The following LRRC7 variants were observed in gnomAD, a reference collection of about 807,000 sequenced individuals.
The protein encoded by LRRC7 is leucine-rich repeat-containing protein 7.
Under a neutral mutation model 175.7 loss-of-function variants are expected in LRRC7, and 23 were observed. The observed-to-expected ratio is 0.13, with a 90% CI of 0.09 to 0.19. The LOEUF (loss-of-function observed/expected upper bound fraction) is 0.19. Ranked by LOEUF, LRRC7 falls within the 10% of genes least tolerant of loss-of-function variation. The pLI, the probability that LRRC7 is intolerant of heterozygous loss-of-function variation, is 1.00. For missense variants in LRRC7, 1,354 were observed against 1,904.7 expected (o/e 0.71, Z 5.38); for synonymous variants, 685 against 680.9 (o/e 1.01, Z -0.09).
At chr1:69,993,083 ACAAG>A (rs977028166) in intron 10 of LRRC7, among the ~76,000 whole-genome samples, 10 of 152,270 alleles carry the variant, frequency 6.6e-5, no homozygotes, top group African/African-American at 2.4e-4. Context: ...CAACTCAAAA[ACAAG>A]CTCAGGTGCT....
chr1:69,835,115 A>G (rs1185383609), intron 6 of LRRC7, among the ~76,000 whole-genome samples: 1 of 151,990 alleles, frequency 6.6e-6, no homozygotes, highest in Non-Finnish European at 1.5e-5. Context: ...AAAAAAAAAT[A>G]AAGCCAGAAA....
At chr1:70,107,646 C>A in intron 25 of LRRC7, 106 bp from the exon 26 acceptor site, 1 of 778,382 alleles carries the variant, frequency 1.3e-6, no homozygotes, top group Non-Finnish European at 2.2e-6. Flanking sequence ...CATGCATAAA[C>A]TGTTTCTGGA....
At chr1:69,684,406 TA>T (rs1203143355) in intron 2 of LRRC7, among the ~76,000 whole-genome samples, 1 of 150,864 alleles carries the variant, frequency 6.6e-6, no homozygotes, top group African/African-American at 2.4e-5. Context: ...AAGAAAGGCA[TA>T]AGGAAAGAAA....
chr1:69,735,387 T>A (rs1668001187), intron 2 of LRRC7, among the ~76,000 whole-genome samples: 1 of 152,136 alleles, frequency 6.6e-6, no homozygotes, highest in Admixed American at 6.6e-5. Context: ...AAAGGTCCCA[T>A]ATACTGGATT....
At chr1:69,973,381 A>C (rs540950219) in intron 8 of LRRC7, among the ~76,000 whole-genome samples, 11 of 152,230 alleles carry the variant, frequency 7.2e-5, no homozygotes, top group Admixed American at 1.3e-4. Context: ...ACAAATCACC[A>C]CTAAAGAACT....
intron 2 of LRRC7, among the ~76,000 whole-genome samples, chr1:69,710,418 C>A (rs1038374499): frequency 1.4e-4 from 21 of 152,072 alleles, no homozygotes; most frequent in Non-Finnish European, 2.8e-4. Flanking sequence ...CCAGCAGCAA[C>A]CAGCAAAGCA....
intron 3 of LRRC7, among the ~76,000 whole-genome samples, chr1:69,784,235 C>A (rs1289517544): frequency 6.6e-6 from 1 of 151,870 alleles, no homozygotes; most frequent in Admixed American, 6.6e-5. Flanking sequence ...AAAGCATAAA[C>A]AGAAGCGAGG....
At position 70,040,088 on chromosome 1, in the gene LRRC7, C is replaced by T. The variant is rs6679841; in HGVS notation, c.3969+295C>T. On this transcript the variant is annotated intron_variant, in intron 21 of 26. Transcript: ENST00000651989. The stretch of plus-strand genomic sequence containing the variant: ...GGATGGTGCTTCAAATGCTTTCTAG[C>T]CATTAAGGCAAAATGCCTCTCCTAG... Among the ~76,000 whole-genome samples the T allele has an allele frequency of 3.5e-3, 533 of 152,242 alleles. 6 individuals are homozygous for T. Among genetic ancestry groups the T allele is most frequent in the African/African-American group, 0.012 (515 of 41,530 alleles).
At position 69,986,256 on chromosome 1, in the gene LRRC7, A is replaced by G. The variant is rs1349744143; in HGVS notation, c.801A>G (p.Leu267=). ...ATGTCATCAAGTCTATAGGGAAGTT[A>G]AAGATGTTGGTATACCTGGATATGT... ...LQVLPGSIGK[L]KMLVYLDMSK... The change falls in exon 10 of 27, where the codon TTA becomes TTG. Residue 267 remains leucine (L), a synonymous_variant. Transcript: ENST00000651989. 1 of 1,613,258 alleles carries G rather than the reference A, an allele frequency of 6.2e-7. No individual in the cohort carries two copies. Among genetic ancestry groups the G allele is most frequent in the South Asian group, 1.1e-5 (1 of 91,044 alleles).
chr1:69,621,512 A>G (rs1650598863), intron 1 of LRRC7, among the ~76,000 whole-genome samples: 1 of 152,210 alleles, frequency 6.6e-6, no homozygotes, highest in South Asian at 2.1e-4. Context: ...ACTCAGATGC[A>G]TATAGGAGAT....
At chr1:70,034,202 T>C (rs1366313017) in intron 18 of LRRC7, among the ~76,000 whole-genome samples, 1 of 152,154 alleles carries the variant, frequency 6.6e-6, no homozygotes, top group Non-Finnish European at 1.5e-5. Flanking sequence ...TCTCCAAAGG[T>C]ATATAAAGGC....
intron 2 of LRRC7, among the ~76,000 whole-genome samples, chr1:69,727,229 C>A (rs1384426983): frequency 2.0e-5 from 3 of 152,192 alleles, no homozygotes; most frequent in Non-Finnish European, 4.4e-5. Flanking sequence ...AGTGGCCAAC[C>A]TTCTGGCAGC....
chr1:69,932,705 A>G (rs889083063), intron 8 of LRRC7, among the ~76,000 whole-genome samples: 2 of 152,216 alleles, frequency 1.3e-5, no homozygotes, highest in African/African-American at 2.4e-5. Context: ...TCTTTCTTGC[A>G]TAAAAATTGC....
At chr1:69,577,547 A>G (rs1470658330) in intron 1 of LRRC7, among the ~76,000 whole-genome samples, 1 of 152,132 alleles carries the variant, frequency 6.6e-6, no homozygotes, top group Admixed American at 6.6e-5. Context: ...ATCTGGAATT[A>G]ATTTTTGTAT....
At chr1:69,981,448 A>C (rs1304315935) in intron 9 of LRRC7, among the ~76,000 whole-genome samples, 1 of 152,222 alleles carries the variant, frequency 6.6e-6, no homozygotes, top group African/African-American at 2.4e-5. Context: ...CAAAAGATGC[A>C]TTTTTACCAT....
intron 1 of LRRC7, among the ~76,000 whole-genome samples, chr1:69,589,115 G>T (rs1646523163): frequency 7.0e-6 from 1 of 142,458 alleles, no homozygotes; most frequent in Non-Finnish European, 1.5e-5. Flanking sequence ...TCATAAAAAG[G>T]GTGTGTGTGT....
At chr1:70,118,426 GTTAAA>G (rs1484668323) in intron 26 of LRRC7, among the ~76,000 whole-genome samples, 4 of 152,000 alleles carry the variant, frequency 2.6e-5, no homozygotes, top group African/African-American at 4.8e-5. Context: ...TTTAGAATAA[GTTAAA>G]TTAAATGTGA....
intron 23 of LRRC7, among the ~76,000 whole-genome samples, chr1:70,065,709 TA>T (rs1481772088): frequency 6.6e-6 from 1 of 151,970 alleles, no homozygotes; most frequent in Non-Finnish European, 1.5e-5. Context: ...CACAGCAACC[TA>T]AAATATTAGT....
At chr1:70,049,494 C>A (rs563064811) in intron 22 of LRRC7, among the ~76,000 whole-genome samples, 1 of 150,814 alleles carries the variant, frequency 6.6e-6, no homozygotes, top group East Asian at 1.9e-4. Flanking sequence ...TCTATTGATT[C>A]TGCTGCATTT....
Sources: allele counts gnomAD v4.1 joint callset (sites outside exome capture counted in the v4.1 genomes callset), GRCh38; gene constraint gnomAD v4.1.1; transcripts MANE v1.5; gene names NCBI Gene and HGNC (gene_info 2026-07-23, HGNC 2026-07-21).